Variants in HECTD4 observed in about 807,000 individuals in gnomAD.
The protein encoded by HECTD4 is probable E3 ubiquitin-protein ligase HECTD4.
HECTD4 carries 114 observed loss-of-function variants against 471.5 expected under a neutral mutation model. The observed-to-expected ratio is 0.24, with a 90% CI of 0.21 to 0.28. The LOEUF is 0.28. Ranked by LOEUF, HECTD4 falls within the 10% of genes least tolerant of loss-of-function variation. HECTD4 has a pLI of 1.00. For missense variants in HECTD4, 3,866 were observed against 5,651.5 expected (o/e 0.68, Z 10.13); for synonymous variants, 2,012 against 2,256.0 (o/e 0.89, Z 3.07).
intron 44 of HECTD4, among the ~76,000 whole-genome samples, chr12:112,224,198 G>C (rs1381322850): frequency 6.6e-6 from 1 of 151,668 alleles, no homozygotes; most frequent in African/African-American, 2.4e-5. Context: ...ATAGGAGTCA[G>C]TAAACTTTGC....
intron 1 of HECTD4, among the ~76,000 whole-genome samples, chr12:112,348,837 T>C (rs2135734581): frequency 6.6e-6 from 1 of 152,272 alleles, no homozygotes; most frequent in Admixed American, 6.5e-5. Context: ...TATAAACCTA[T>C]GTATGTATAT....
chr12:112,236,515 C>T (rs2135572832), intron 35 of HECTD4, among the ~76,000 whole-genome samples: 1 of 152,256 alleles, frequency 6.6e-6, no homozygotes, highest in South Asian at 2.1e-4. Context: ...ATTTTATGGG[C>T]CTCGTGGCTC....
intron 13 of HECTD4, among the ~76,000 whole-genome samples, chr12:112,268,438 A>G (rs1213138091): frequency 6.6e-6 from 1 of 152,154 alleles, no homozygotes; most frequent in Non-Finnish European, 1.5e-5. Flanking sequence ...ATACTTAATC[A>G]CTTTAAGGCT....
intron 1 of HECTD4, among the ~76,000 whole-genome samples, chr12:112,334,810 CAAA>C (rs201647877): frequency 5.9e-5 from 4 of 67,562 alleles, no homozygotes; most frequent in East Asian, 2.6e-4. Context: ...AACTCTATCT[CAAA>C]AAAAAAAAAA....
chr12:112,367,820 CAAAAAAAAAAAAA>C (rs59590181), intron 1 of HECTD4, among the ~76,000 whole-genome samples: 5 of 12,564 alleles, frequency 4.0e-4, no homozygotes, highest in Non-Finnish European at 6.3e-4. Context: ...GACTCCATCT[CAAAAAAAAAAAAA>C]AAAAAAAAAA....
At chr12:112,187,734 C>A (rs1389994967) in intron 60 of HECTD4, among the ~76,000 whole-genome samples, 1 of 146,094 alleles carries the variant, frequency 6.8e-6, no homozygotes, top group Non-Finnish European at 1.5e-5. Flanking sequence ...TCACACCATT[C>A]TCTTGCCTCA....
At position 112,250,959 on chromosome 12, in the gene HECTD4, C is replaced by A; in HGVS notation, c.3716+12G>T. On this transcript the variant is annotated intron_variant, in intron 24 of 75. Transcript: ENST00000682272. ...GCAGGCAACACTAGCTCAATTTCAA[C>A]CTTTTTGTTACCTTTGTAAAAGTTT... is the stretch of plus-strand genomic sequence containing the variant. 2 of 1,600,948 alleles carry A rather than the reference C, an allele frequency of 1.2e-6. No homozygotes were observed. The highest frequency in any genetic ancestry group is 1.7e-6 in the Non-Finnish European group (2 of 1,174,106).
At chr12:112,274,401 T>C (rs551347002) in intron 10 of HECTD4, among the ~76,000 whole-genome samples, 2 of 152,326 alleles carry the variant, frequency 1.3e-5, no homozygotes, top group African/African-American at 4.8e-5. Context: ...AAAATTAAAA[T>C]TTAATATAAA....
At chr12:112,217,852 G>A (rs1408771828) in intron 45 of HECTD4, among the ~76,000 whole-genome samples, 1 of 152,054 alleles carries the variant, frequency 6.6e-6, no homozygotes, top group Non-Finnish European at 1.5e-5. Context: ...GCTAAGCAGG[G>A]GAACCATGGT....
At position 112,188,977 on chromosome 12, in the gene HECTD4, G is replaced by A. The variant is rs1196143428; in HGVS notation, c.9472+1809C>T. 1.3e-5 allele frequency among the ~76,000 whole-genome samples: 2 copies of A among 152,170 alleles called. No homozygotes were observed. Among genetic ancestry groups the A allele is most frequent in the African/African-American group, 2.4e-5 (1 of 41,430 alleles). On this transcript the variant is annotated intron_variant, in intron 60 of 75. Transcript: ENST00000682272. The surrounding 1 kb of genome is among the most constrained non-coding windows in gnomAD (Gnocchi z 4.2). ...CAAAATTGCACATGACGGCCTATGC[G>A]CTGAAACTTATTCTCAGACAGTGTT...
chr12:112,274,785 G>A, intron 10 of HECTD4, 62 bp downstream of exon 10: 1 of 1,006,850 alleles, frequency 9.9e-7, no homozygotes, highest in Non-Finnish European at 1.5e-6. Context: ...TGGCAAGACA[G>A]TTCAAGAGAA....
At chr12:112,301,246 G>A (rs1008542359) in intron 7 of HECTD4, among the ~76,000 whole-genome samples, 10 of 148,766 alleles carry the variant, frequency 6.7e-5, no homozygotes, top group South Asian at 2.1e-4. Flanking sequence ...GCAATAGCGC[G>A]ATCTCAGCTC....
At position 112,246,860 on chromosome 12, in the gene HECTD4, C is replaced by G. The variant is rs141200142; in HGVS notation, c.4513+41G>C. On this transcript the variant is annotated intron_variant, in intron 29 of 75. Coordinates refer to ENST00000682272, the MANE Select transcript of HECTD4 (RefSeq NM_001388303.1). Reference sequence around the variant, plus strand: ...ATATGAACAGAGTATATTCTCTGTTCATATAACAGAAGCCGATTAGGGGCT... The same window carrying G: ...ATATGAACAGAGTATATTCTCTGTTGATATAACAGAAGCCGATTAGGGGCT... 257 of 1,564,534 alleles carry G rather than the reference C, an allele frequency of 1.6e-4. 1 individual carries two copies. In the African/African-American group the frequency reaches 3.0e-3, roughly 18 times the overall value.
chr12:112,250,185 T>G lies in HECTD4; in HGVS notation c.3909A>C (p.Glu1303Asp). 1 of 1,613,976 alleles carries G rather than the reference T, an allele frequency of 6.2e-7. No homozygotes were observed. Among genetic ancestry groups the G allele is most frequent in the Non-Finnish European group, 8.5e-7 (1 of 1,179,882 alleles). The part of the protein sequence containing the change: ...LPPGIMIKLR[E>D]ISGRARPQFR... Reference sequence around the variant, plus strand: ...ATTGAGGTCTAGCACGCCCAGAAATTTCCCTGAGCTTTATCATGATTCCTG... The same window carrying G: ...ATTGAGGTCTAGCACGCCCAGAAATGTCCCTGAGCTTTATCATGATTCCTG... Residue 1303 changes from glutamate to aspartate, a missense_variant, in exon 25 of 76, where the codon GAA becomes GAC. This residue lies in a region of HECTD4 where 281 missense variants were observed against 499.9 expected (regional missense o/e 0.56). Transcript: ENST00000682272.
At chr12:112,221,097 G>A (rs966374902) in intron 44 of HECTD4, among the ~76,000 whole-genome samples, 13 of 151,638 alleles carry the variant, frequency 8.6e-5, no homozygotes, top group Admixed American at 2.6e-4. Flanking sequence ...GACCACAGGC[G>A]TGAGCCACCA....
At chr12:112,370,822 T>A (rs1275407759) in intron 1 of HECTD4, among the ~76,000 whole-genome samples, 3 of 152,190 alleles carry the variant, frequency 2.0e-5, no homozygotes, top group Non-Finnish European at 2.9e-5. Context: ...GTGCTTAAAA[T>A]ACAGGATCAA....
intron 44 of HECTD4, among the ~76,000 whole-genome samples, chr12:112,221,543 G>A (rs2033096443): frequency 6.6e-6 from 1 of 151,930 alleles, no homozygotes; most frequent in Admixed American, 6.6e-5. Flanking sequence ...CCAGCCTCAG[G>A]AGCATTTTAA....
intron 1 of HECTD4, among the ~76,000 whole-genome samples, chr12:112,359,043 G>A (rs2036400290): frequency 6.6e-6 from 1 of 152,124 alleles, no homozygotes; most frequent in African/African-American, 2.4e-5. Context: ...AGGTGTGGTG[G>A]CGGATGCCTG....
rs557883936 is a variant in HECTD4, at chr12:112,367,712, T to C, written c.177+14240A>G. On this transcript the variant is annotated intron_variant, in intron 1 of 75. Transcript: ENST00000682272. ...GGCATGCACCTGTAATCCCAGTTAC[T>C]TGGGAGGCTGAGGCAGGAGAATCGC... Among the ~76,000 whole-genome samples the C allele has an allele frequency of 1.9e-3, 288 of 149,506 alleles. 6 individuals carry two copies. Among genetic ancestry groups the C allele is most frequent in the East Asian group, 3.1e-3 (15 of 4,818 alleles).
Sources: gnomAD v4.1 joint callset for allele counts (sites outside exome capture counted in the v4.1 genomes callset) on GRCh38, gnomAD v4.1.1 for gene constraint, gnomAD v4.1.1 regional missense constraint, Gnocchi (gnomAD v3.1) non-coding constraint, MANE v1.5 for transcripts, NCBI Gene and HGNC (gene_info 2026-07-23, HGNC 2026-07-21) for gene names.